LTBP1: variants seen among roughly 807,000 people sequenced by gnomAD.
LTBP1 encodes the protein latent transforming growth factor beta binding protein 1, also known as latent-transforming growth factor beta-binding protein 1.
Under a neutral mutation model 207.6 loss-of-function variants are expected in LTBP1, and 129 were observed. The observed-to-expected ratio is 0.62, with a 90% confidence interval of 0.54 to 0.72. The LOEUF is 0.72. Ranked by LOEUF, LTBP1 falls within the 30% of genes least tolerant of loss-of-function variation. The probability of loss-of-function intolerance (pLI) is 0.00; values close to 1 mark genes in which losing one functional copy is unlikely to be tolerated. For synonymous variants in LTBP1, 963 were observed against 833.7 expected (o/e 1.16, Z -2.67); for missense variants, 2,281 against 2,217.2 (o/e 1.03, Z -0.58).
chr2:32,948,803 C>T (rs1676661040), intron 1 of LTBP1, 72 bp from the exon 2 acceptor site: 1 of 1,406,134 alleles, frequency 7.1e-7, no homozygotes, highest in South Asian at 1.1e-5. Context: ...CTTTCTGGAA[C>T]ATGCTGGAAG....
At chr2:33,180,685 G>T (rs988474924) in intron 5 of LTBP1, among the ~76,000 whole-genome samples, 2 of 151,996 alleles carry the variant, frequency 1.3e-5, no homozygotes, top group Non-Finnish European at 2.9e-5. Flanking sequence ...TGAACTCCTG[G>T]CCTTAAGTGA....
In LTBP1 at chr2:33,051,099, T is replaced by C. The variant is rs553036347; in HGVS notation, c.863+29893T>C. Among the ~76,000 whole-genome samples, 36 of 152,264 alleles carry C rather than the reference T, an allele frequency of 2.4e-4. No homozygotes were observed. In the South Asian group the frequency reaches 7.5e-3, roughly 32 times the overall value. On this transcript the variant is annotated intron_variant, in intron 3 of 33. Transcript: ENST00000404816. ...ACCATGATTGTGAAGCTCCATGAGT[T>C]GGGGCAGAAGGAAGTGCTGTAAAAA...
chr2:33,093,646 T>TA (rs1173985605), intron 3 of LTBP1, among the ~76,000 whole-genome samples: 3 of 151,786 alleles, frequency 2.0e-5, no homozygotes, highest in African/African-American at 7.3e-5. Flanking sequence ...TGTATATACA[T>TA]ATATGAGTGT....
intron 31 of LTBP1, among the ~76,000 whole-genome samples, chr2:33,380,952 G>A (rs1053115837): frequency 4.6e-5 from 7 of 152,130 alleles, no homozygotes; most frequent in African/African-American, 1.7e-4. Flanking sequence ...TTGTCAGATT[G>A]TTGCTTCAGA....
intron 2 of LTBP1, among the ~76,000 whole-genome samples, chr2:32,959,708 C>T (rs1678783773): frequency 6.8e-6 from 1 of 147,900 alleles, no homozygotes. Context: ...GCAGCCTCCG[C>T]CTCTTGGGTT....
intron 22 of LTBP1, among the ~76,000 whole-genome samples, chr2:33,303,204 T>G (rs1270265689): frequency 6.6e-6 from 1 of 151,960 alleles, no homozygotes; most frequent in African/African-American, 2.4e-5. Flanking sequence ...AAGTAACTGG[T>G]AAGGTATATT....
At chr2:33,374,580 C>G (rs2095113379) in intron 31 of LTBP1, among the ~76,000 whole-genome samples, 1 of 152,148 alleles carries the variant, frequency 6.6e-6, no homozygotes, top group African/African-American at 2.4e-5. Flanking sequence ...TTCTGTGGGA[C>G]TGAACTCTTG....
intron 2 of LTBP1, among the ~76,000 whole-genome samples, chr2:32,991,142 A>G (rs1255889742): frequency 6.6e-6 from 1 of 152,208 alleles, no homozygotes; most frequent in Non-Finnish European, 1.5e-5. Flanking sequence ...TATCTCATAT[A>G]ACTTTTTGCA....
At chr2:33,159,817 A>G (rs1340609621) in intron 5 of LTBP1, among the ~76,000 whole-genome samples, 1 of 152,220 alleles carries the variant, frequency 6.6e-6, no homozygotes, top group Non-Finnish European at 1.5e-5. Context: ...CTGCATCCCA[A>G]GACCAATGGG....
intron 5 of LTBP1, among the ~76,000 whole-genome samples, chr2:33,151,682 T>C (rs568138320): frequency 1.9e-4 from 29 of 152,280 alleles, no homozygotes; most frequent in African/African-American, 5.8e-4. Flanking sequence ...CCTCATAGCT[T>C]AGCTCCCACA....
chr2:33,108,789 A>G (rs1286785774), intron 3 of LTBP1, among the ~76,000 whole-genome samples: 1 of 152,190 alleles, frequency 6.6e-6, no homozygotes. Flanking sequence ...CCTCTTTCCA[A>G]GAGGCTGATA....
intron 7 of LTBP1, among the ~76,000 whole-genome samples, chr2:33,211,184 T>C (rs1338059473): frequency 6.6e-6 from 1 of 152,234 alleles, no homozygotes; most frequent in East Asian, 1.9e-4. Context: ...GTTCCTGACA[T>C]GTGGCTATCT....
rs17397338 is a variant in LTBP1 at position 33,100,221 on chromosome 2, G to T, written c.864-10361G>T. Among the ~76,000 whole-genome samples the T allele has an allele frequency of 9.0e-3, 1,375 of 152,326 alleles. 17 individuals carry two copies. The highest frequency in any genetic ancestry group is 0.012 in the Non-Finnish European group (803 of 68,034). On this transcript the variant is annotated intron_variant, in intron 3 of 33. Transcript: ENST00000404816. ...ACTGACAGCTCATGCTGTGGTTCATGGGAACAGCTAAGTGAAGAGTGCGAG... is the reference window on the plus strand; with the variant it reads ...ACTGACAGCTCATGCTGTGGTTCATTGGAACAGCTAAGTGAAGAGTGCGAG...
At chr2:33,262,844 G>C (rs748560245) in intron 14 of LTBP1, 23 bp downstream of exon 14, 9 of 1,509,742 alleles carry the variant, frequency 6.0e-6, no homozygotes, top group Non-Finnish European at 8.2e-6. Context: ...GATCTGTGCT[G>C]TTTGTCAGAG....
At chr2:33,206,947 CAT>C (rs2089931418) in intron 7 of LTBP1, among the ~76,000 whole-genome samples, 1 of 152,052 alleles carries the variant, frequency 6.6e-6, no homozygotes, top group African/African-American at 2.4e-5. Context: ...GGATTTATCA[CAT>C]GATTTGTGTT....
chr2:33,335,103 G>A lies in LTBP1; in HGVS notation c.3731-7735G>A, dbSNP rs569626645. Among the ~76,000 whole-genome samples the A allele has an allele frequency of 3.5e-3, 533 of 150,898 alleles. 3 individuals carry two copies. The highest frequency in any genetic ancestry group is 0.012 in the African/African-American group (511 of 41,026). On this transcript the variant is annotated intron_variant, in intron 24 of 33. Transcript: ENST00000404816. ...ACTGCTCTCTAGTGTGGGCAACAGAGTGAGACCCTGTCTCTAAAATAAATA... is the reference window on the plus strand; with the variant it reads ...ACTGCTCTCTAGTGTGGGCAACAGAATGAGACCCTGTCTCTAAAATAAATA...
At chr2:33,328,162 T>TAAATAAATA (rs61232623) in intron 24 of LTBP1, among the ~76,000 whole-genome samples, 138 of 145,934 alleles carry the variant, frequency 9.5e-4, no homozygotes, top group African/African-American at 3.5e-3. Context: ...AATAAATAAA[T>TAAATAAATA]AAATAAAATA....
At position 33,067,123 on chromosome 2, in the gene LTBP1, G is replaced by A. The variant is rs150261033; in HGVS notation, c.864-43459G>A. Among the ~76,000 whole-genome samples the A allele has an allele frequency of 3.0e-3, 462 of 152,320 alleles. 3 individuals are homozygous for A. The highest frequency in any genetic ancestry group is 0.01 in the African/African-American group (423 of 41,564). On this transcript the variant is annotated intron_variant, in intron 3 of 33. Transcript: ENST00000404816. ...GGAGGTCCAGGCTGCAGTGAGCTGT[G>A]ATCATGCCACTGCCCTCCACCCTGG...
At chr2:33,075,010 C>T (rs2078005729) in intron 3 of LTBP1, among the ~76,000 whole-genome samples, 1 of 152,124 alleles carries the variant, frequency 6.6e-6, no homozygotes, top group South Asian at 2.1e-4. Flanking sequence ...GAGATCACAC[C>T]ACTGCACTCC....
Sources: allele counts gnomAD v4.1 joint callset (sites outside exome capture counted in the v4.1 genomes callset), GRCh38; gene constraint gnomAD v4.1.1; transcripts MANE v1.5; gene names NCBI Gene and HGNC (gene_info 2026-07-23, HGNC 2026-07-21).